Variants in SPATA17 observed in about 807,000 individuals in gnomAD.
SPATA17 encodes the protein spermatogenesis associated 17.
A neutral mutation model predicts 62.2 loss-of-function variants in SPATA17; 53 were observed. That is an observed-to-expected ratio of 0.85 (90% CI 0.68 to 1.07). The LOEUF (loss-of-function observed/expected upper bound fraction) is 1.07, where lower values mean the gene tolerates loss of function less well. SPATA17 is among the 50% of genes least tolerant of loss of function. SPATA17 has a pLI of 0.00. For synonymous variants in SPATA17, 146 were observed against 146.8 expected, an observed-to-expected ratio of 0.99 and a Z score of 0.04; for missense variants, 466 against 425.5, an observed-to-expected ratio of 1.10 and a Z score of -0.84.
chr1:217,810,912 C>T (rs1674570414), intron 9 of SPATA17, among the ~76,000 whole-genome samples: 1 of 152,096 alleles, frequency 6.6e-6, no homozygotes, highest in Non-Finnish European at 1.5e-5. Flanking sequence ...CCAATCACCT[C>T]CTGCCAGATC....
At chr1:217,681,191 C>T (rs1468054938) in intron 4 of SPATA17, among the ~76,000 whole-genome samples, 2 of 150,860 alleles carry the variant, frequency 1.3e-5, no homozygotes, top group Non-Finnish European at 3.0e-5. Flanking sequence ...CGCGCCACTG[C>T]ACTCCAGCCT....
At chr1:217,839,197 G>A (rs1675333735) in intron 9 of SPATA17, among the ~76,000 whole-genome samples, 1 of 151,996 alleles carries the variant, frequency 6.6e-6, no homozygotes, top group African/African-American at 2.4e-5. Flanking sequence ...TCACAGCACA[G>A]CCTCCCATCA....
chr1:217,757,998 C>G (rs1031215881), intron 6 of SPATA17, among the ~76,000 whole-genome samples: 4 of 152,072 alleles, frequency 2.6e-5, no homozygotes, highest in Admixed American at 2.6e-4. Flanking sequence ...TTTAGTGGTA[C>G]TGGGGGCCAG....
At chr1:217,696,578 A>G (rs972393654) in intron 5 of SPATA17, among the ~76,000 whole-genome samples, 2 of 152,200 alleles carry the variant, frequency 1.3e-5, no homozygotes, top group African/African-American at 4.8e-5. Flanking sequence ...ATATAATTTT[A>G]TGTTGTTTCT....
chr1:217,645,110 A>G (rs1453897704), intron 1 of SPATA17, among the ~76,000 whole-genome samples: 1 of 152,112 alleles, frequency 6.6e-6, no homozygotes, highest in African/African-American at 2.4e-5. Flanking sequence ...GTCAAATTTT[A>G]GCACATAAGT....
chr1:217,830,163 A>G (rs986872892), intron 9 of SPATA17, among the ~76,000 whole-genome samples: 1 of 152,098 alleles, frequency 6.6e-6, no homozygotes, highest in African/African-American at 2.4e-5. Context: ...GAATTTATAG[A>G]TTCATCTCAT....
chr1:217,827,476 C>G (rs1176038236), intron 9 of SPATA17, among the ~76,000 whole-genome samples: 2 of 152,008 alleles, frequency 1.3e-5, no homozygotes, highest in East Asian at 3.9e-4. Context: ...GGCAATTCAT[C>G]CAAGATTTAG....
At chr1:217,636,107 T>A (rs11586228) in intron 1 of SPATA17, among the ~76,000 whole-genome samples, 19,543 of 122,778 alleles carry the variant, frequency 0.16, 1,489 homozygotes, top group Middle Eastern at 0.23. Flanking sequence ...CACTCCAGCC[T>A]GGCGACAGAA....
At chr1:217,775,698 T>G (rs71647129) in intron 7 of SPATA17, among the ~76,000 whole-genome samples, 34,686 of 151,704 alleles carry the variant, frequency 0.23, 4,358 homozygotes, top group East Asian at 0.5. Context: ...TATATATATA[T>G]ATATAGAGAG....
chr1:217,706,433 A>G (rs912608271), intron 5 of SPATA17, among the ~76,000 whole-genome samples: 1 of 152,134 alleles, frequency 6.6e-6, no homozygotes, highest in African/African-American at 2.4e-5. Flanking sequence ...GAGGAAGGGA[A>G]GTGATGGGAT....
chr1:217,814,355 A>T lies in SPATA17; in HGVS notation c.1005+12505A>T, dbSNP rs148657784. ...TACAGCTCTGAAGAGACTATGGTTA[A>T]CATTTCCGTCGGAGGTCTGTAAGAT... is the stretch of plus-strand genomic sequence containing the variant. On this transcript the variant is annotated intron_variant, in intron 9 of 10. Coordinates refer to ENST00000366933, the MANE Select transcript of SPATA17 (RefSeq NM_138796.4). 7.1e-3 allele frequency among the ~76,000 whole-genome samples: 1,088 copies of T among 152,306 alleles called. 15 individuals carry two copies. The highest frequency in any genetic ancestry group is 0.025 in the African/African-American group (1,031 of 41,560).
chr1:217,705,371 A>T (rs1449126430), intron 5 of SPATA17, among the ~76,000 whole-genome samples: 2 of 137,972 alleles, frequency 1.4e-5, no homozygotes, highest in Non-Finnish European at 3.3e-5. Context: ...TACTGTGTTC[A>T]CAGTTCTTTT....
At chr1:217,733,877 G>A (rs956510263) in intron 5 of SPATA17, among the ~76,000 whole-genome samples, 1 of 152,168 alleles carries the variant, frequency 6.6e-6, no homozygotes, top group African/African-American at 2.4e-5. Flanking sequence ...GAGTGCTTGA[G>A]TTAATGACTA....
rs113560478 is a variant in SPATA17 at position 217,675,499 on chromosome 1, A to G, written c.291+6416A>G. ...CTTGTAGTATCCTACGAAGAGTTCA[A>G]TTGTAGGTAAATTATTGTGGCTGCT... On this transcript the variant is annotated intron_variant, in intron 4 of 10. Transcript: ENST00000366933. Among the ~76,000 whole-genome samples the G allele has an allele frequency of 7.3e-3, 1,105 of 152,246 alleles. 17 individuals carry two copies. Among genetic ancestry groups the G allele is most frequent in the African/African-American group, 0.025 (1,051 of 41,540 alleles).
chr1:217,660,233 C>G (rs1311871962), intron 3 of SPATA17, among the ~76,000 whole-genome samples: 1 of 152,156 alleles, frequency 6.6e-6, no homozygotes, highest in Non-Finnish European at 1.5e-5. Flanking sequence ...TTTGGGAATA[C>G]TGAAAACATT....
intron 5 of SPATA17, among the ~76,000 whole-genome samples, chr1:217,725,701 G>A (rs1250357642): frequency 2.6e-5 from 4 of 152,138 alleles, no homozygotes; most frequent in Non-Finnish European, 5.9e-5. Context: ...GACCTCAAGT[G>A]ATCGGCCCGT....
chr1:217,732,868 C>T (rs538650346), intron 5 of SPATA17, among the ~76,000 whole-genome samples: 59 of 152,040 alleles, frequency 3.9e-4, no homozygotes, highest in Middle Eastern at 3.4e-3. Flanking sequence ...TTTGACATCA[C>T]GCATATATAA....
chr1:217,731,921 AC>A (rs1352045157), intron 5 of SPATA17, among the ~76,000 whole-genome samples: 1 of 152,236 alleles, frequency 6.6e-6, no homozygotes, highest in Admixed American at 6.5e-5. Context: ...ATAACCTACT[AC>A]AAAAAAAGCA....
chr1:217,806,902 A>G (rs1674447764), intron 9 of SPATA17, among the ~76,000 whole-genome samples: 1 of 152,164 alleles, frequency 6.6e-6, no homozygotes, highest in Non-Finnish European at 1.5e-5. Flanking sequence ...AATTCAGGCT[A>G]TACCATGTAA....
Sources: gnomAD v4.1 joint callset for allele counts (sites outside exome capture counted in the v4.1 genomes callset) on GRCh38, gnomAD v4.1.1 for gene constraint, MANE v1.5 for transcripts, NCBI Gene and HGNC (gene_info 2026-07-23, HGNC 2026-07-21) for gene names.